The following NTRK2 variants were observed in gnomAD, a reference collection of about 807,000 sequenced individuals.
NTRK2 encodes the protein neurotrophic receptor tyrosine kinase 2.
A neutral mutation model predicts 94.5 loss-of-function variants in NTRK2; 13 were observed. The observed-to-expected ratio is 0.14, with a 90% confidence interval of 0.09 to 0.22. The LOEUF is 0.22. Ranked by LOEUF, NTRK2 falls within the 10% of genes least tolerant of loss-of-function variation. The probability of loss-of-function intolerance (pLI) is 1.00; values close to 1 mark genes in which losing one functional copy is unlikely to be tolerated. For synonymous variants in NTRK2, 372 were observed against 407.4 expected (o/e 0.91, Z 1.05); for missense variants, 639 against 1,071.2 (o/e 0.60, Z 5.63).
At chr9:84,749,885 T>C (rs1258608278) in intron 11 of NTRK2, among the ~76,000 whole-genome samples, 1 of 152,218 alleles carries the variant, frequency 6.6e-6, no homozygotes, top group Admixed American at 6.5e-5. Context: ...GAATAAGCTA[T>C]GCTGCAGTAA....
intron 2 of NTRK2, among the ~76,000 whole-genome samples, chr9:84,695,482 C>A (rs2060321910): frequency 6.6e-6 from 1 of 152,162 alleles, no homozygotes; most frequent in Admixed American, 6.5e-5. Flanking sequence ...TACCTCTTTT[C>A]TCTTATTTTC....
chr9:84,835,699 C>G (rs2073833231), intron 12 of NTRK2, among the ~76,000 whole-genome samples: 1 of 152,186 alleles, frequency 6.6e-6, no homozygotes, highest in South Asian at 2.1e-4. Context: ...GCATGGGTAA[C>G]AGCAGCGTGA....
At chr9:85,010,631 A>G (rs529279371) in intron 17 of NTRK2, among the ~76,000 whole-genome samples, 1 of 152,296 alleles carries the variant, frequency 6.6e-6, no homozygotes, top group African/African-American at 2.4e-5. Flanking sequence ...ATTCCCTATA[A>G]AGATTAAGAG....
Position 84,850,558 on chromosome 9 carries a change from A to G in NTRK2, c.1397-10482A>G, listed in dbSNP as rs4877884. Among the ~76,000 whole-genome samples, 402 of 152,330 alleles carry G rather than the reference A, an allele frequency of 2.6e-3. 7 individuals are homozygous for G. Among genetic ancestry groups the G allele is most frequent in the Admixed American group, 0.023 (349 of 15,296 alleles). On this transcript the variant is annotated intron_variant, in intron 12 of 18. Coordinates refer to ENST00000277120, the MANE Select transcript of NTRK2 (RefSeq NM_006180.6). ...CCTTACCCCTATATTTACATAAACC[A>G]TTATGTTCACCAAAGCTCACATGAC...
chr9:84,766,533 G>A (rs2066041752), intron 12 of NTRK2, among the ~76,000 whole-genome samples: 2 of 152,152 alleles, frequency 1.3e-5, no homozygotes, highest in African/African-American at 4.8e-5. Context: ...TTATACTGAA[G>A]CATGACTGAA....
intron 17 of NTRK2, among the ~76,000 whole-genome samples, chr9:84,974,718 TCTTGGTTTCCACC>T (rs933645732): frequency 2.0e-5 from 3 of 152,138 alleles, no homozygotes; most frequent in African/African-American, 2.4e-5. Flanking sequence ...GTGGAGAACC[TCTTGGTTTCCACC>T]CTTGGTTTCC....
chr9:84,813,039 T>G, intron 12 of NTRK2: 1 of 1,037,432 alleles, frequency 9.6e-7, no homozygotes, highest in Non-Finnish European at 1.2e-6. Context: ...ATTTTGCTTT[T>G]TATGTCTCCC....
At chr9:84,850,228 C>T (rs1259274777) in intron 12 of NTRK2, among the ~76,000 whole-genome samples, 1 of 151,288 alleles carries the variant, frequency 6.6e-6, no homozygotes, top group Non-Finnish European at 1.5e-5. Flanking sequence ...AACAAAAAAA[C>T]AAAAACAAAA....
At chr9:84,782,723 G>A (rs1001115519) in intron 12 of NTRK2, among the ~76,000 whole-genome samples, 2 of 152,126 alleles carry the variant, frequency 1.3e-5, no homozygotes, top group African/African-American at 2.4e-5. Flanking sequence ...AGGCAGTGAC[G>A]TTTCTTTACC....
At chr9:84,816,581 C>T (rs561301618) in intron 12 of NTRK2, among the ~76,000 whole-genome samples, 3 of 151,888 alleles carry the variant, frequency 2.0e-5, no homozygotes, top group Non-Finnish European at 4.4e-5. Context: ...GAGTTCAAGA[C>T]CAGCCTGGCC....
At position 85,021,459 on chromosome 9, in the gene NTRK2, C is replaced by G. The variant is rs1240689095; in HGVS notation, c.*22C>G. On this transcript the variant is annotated 3_prime_UTR_variant, in exon 19 of 19. Coordinates refer to ENST00000277120, the MANE Select transcript of NTRK2 (RefSeq NM_006180.6). ...CTAGGGCCCTTTTCCCCAGACCGATCCTTCCCAACGTACTCCTCAGACGGG... is the reference window on the plus strand; with the variant it reads ...CTAGGGCCCTTTTCCCCAGACCGATGCTTCCCAACGTACTCCTCAGACGGG... 1 of 1,612,972 alleles carries G rather than the reference C, an allele frequency of 6.2e-7. No homozygotes were observed. The highest frequency in any genetic ancestry group is 8.5e-7 in the Non-Finnish European group (1 of 1,178,980).
At chr9:84,734,622 G>A (rs1588243145) in intron 9 of NTRK2, among the ~76,000 whole-genome samples, 2 of 152,272 alleles carry the variant, frequency 1.3e-5, no homozygotes, top group East Asian at 3.9e-4. Context: ...TTCCTGTGCT[G>A]TTCTCATGAC....
chr9:84,896,259 C>T (rs920085644), intron 14 of NTRK2, among the ~76,000 whole-genome samples: 6 of 152,230 alleles, frequency 3.9e-5, no homozygotes, highest in Non-Finnish European at 7.3e-5. Flanking sequence ...GACATACGCC[C>T]TGTGTGCCAG....
At chr9:84,943,675 C>T (rs921098352) in intron 15 of NTRK2, among the ~76,000 whole-genome samples, 2 of 152,168 alleles carry the variant, frequency 1.3e-5, no homozygotes, top group African/African-American at 4.8e-5. Context: ...GGGAAGCTGC[C>T]ACCCGATATT....
chr9:85,017,055 T>A (rs76736475), intron 17 of NTRK2, among the ~76,000 whole-genome samples: 30,999 of 152,066 alleles, frequency 0.2, 3,606 homozygotes, highest in Admixed American at 0.29. Flanking sequence ...GTTTTCTATC[T>A]TGCATTGCTA....
At chr9:85,001,756 C>A (rs986105476) in intron 17 of NTRK2, among the ~76,000 whole-genome samples, 2 of 152,232 alleles carry the variant, frequency 1.3e-5, no homozygotes, top group East Asian at 3.9e-4. Context: ...TTATAGGGCC[C>A]GTGCCATAAT....
In NTRK2 at chr9:85,022,959, G is replaced by C. The variant is rs1336179283; in HGVS notation, c.*1522G>C. ...TACACAGGTCAAGTCCCTTGCTCTG[G>C]GCTCTAGTTGGGAGAGTGGTTTCAT... On this transcript the variant is annotated 3_prime_UTR_variant, in exon 19 of 19. Coordinates refer to ENST00000277120, the MANE Select transcript of NTRK2 (RefSeq NM_006180.6). 4.3e-6 allele frequency: 1 copy of C among 233,144 alleles called. No individual in the cohort carries two copies. Among genetic ancestry groups the C allele is most frequent in the East Asian group, 6.0e-5 (1 of 16,568 alleles). The allele number at this position is 233,144 out of a possible 1,614,324, so 14.4% of individuals were successfully genotyped here.
chr9:84,906,789 T>A (rs190595664), intron 14 of NTRK2, among the ~76,000 whole-genome samples: 1 of 152,168 alleles, frequency 6.6e-6, no homozygotes, highest in African/African-American at 2.4e-5. Context: ...ATGTTTTTGG[T>A]TGGAAGTGCC....
At chr9:84,961,107 C>G (rs187381398) in intron 17 of NTRK2, among the ~76,000 whole-genome samples, 4 of 152,294 alleles carry the variant, frequency 2.6e-5, no homozygotes, top group African/African-American at 9.6e-5. Flanking sequence ...AAACTTACTT[C>G]TATTGATTAC....
Sources: gnomAD v4.1 joint callset for allele counts (sites outside exome capture counted in the v4.1 genomes callset) on GRCh38, gnomAD v4.1.1 for gene constraint, MANE v1.5 for transcripts, NCBI Gene and HGNC (gene_info 2026-07-23, HGNC 2026-07-21) for gene names.